Variants in KIAA1671 observed in about 807,000 individuals in gnomAD.
The protein encoded by KIAA1671 is uncharacterized protein KIAA1671.
A neutral mutation model predicts 131.2 loss-of-function variants in KIAA1671; 52 were observed. The ratio of observed to expected loss-of-function variants is 0.40; its 90% CI spans 0.32 to 0.50. The LOEUF (loss-of-function observed/expected upper bound fraction) is 0.50. Among genes scored for constraint, KIAA1671 ranks in the 20% least tolerant of loss-of-function variants. KIAA1671 has a pLI of 0.73. For missense variants in KIAA1671, 2,360 were observed against 2,364.2 expected, an observed-to-expected ratio of 1.00 and a Z score of 0.04; for synonymous variants, 1,003 against 961.6, an observed-to-expected ratio of 1.04 and a Z score of -0.80.
At chr22:25,183,740 T>C (rs12627825) in intron 10 of KIAA1671, among the ~76,000 whole-genome samples, 38,487 of 151,602 alleles carry the variant, frequency 0.25, 6,174 homozygotes, top group East Asian at 0.49. Context: ...GTAAGGATGG[T>C]CTCAATCTCC....
chr22:25,043,343 C>A (rs1171619044), intron 5 of KIAA1671, among the ~76,000 whole-genome samples: 3 of 152,156 alleles, frequency 2.0e-5, no homozygotes, highest in Admixed American at 6.5e-5. Context: ...AGAGTGCTGA[C>A]ACTACCTACT....
intron 1 of KIAA1671, among the ~76,000 whole-genome samples, chr22:24,985,660 G>C (rs894642957): frequency 1.3e-5 from 2 of 151,940 alleles, no homozygotes; most frequent in Admixed American, 6.6e-5. Context: ...TGTTTCTTTA[G>C]TTCCCTCTTT....
chr22:24,994,752 GTA>G (rs1167564457), intron 1 of KIAA1671, among the ~76,000 whole-genome samples: 9 of 152,140 alleles, frequency 5.9e-5, no homozygotes, highest in Non-Finnish European at 1.0e-4. Context: ...CTTTAGGCAT[GTA>G]AGGATCTCTG....
intron 5 of KIAA1671, 44 bp from the exon 6 acceptor site, chr22:25,049,186 A>G (rs1927400246): frequency 6.5e-7 from 1 of 1,530,166 alleles, no homozygotes; most frequent in African/African-American, 1.4e-5. Context: ...CCTGTAAATG[A>G]GAAGGCTCCC....
chr22:25,030,882 G>A (rs1602081837), intron 3 of KIAA1671, among the ~76,000 whole-genome samples: 1 of 152,210 alleles, frequency 6.6e-6, no homozygotes, highest in Non-Finnish European at 1.5e-5. Flanking sequence ...CCGGCCCTGG[G>A]AACCAGGACA....
At chr22:25,030,990 C>T (rs1035115902) in intron 3 of KIAA1671, among the ~76,000 whole-genome samples, 3 of 152,164 alleles carry the variant, frequency 2.0e-5, no homozygotes, top group Non-Finnish European at 2.9e-5. Flanking sequence ...TTCCGATTCA[C>T]TTGGTCTGGG....
chr22:25,118,345 G>T (rs1931779402), intron 6 of KIAA1671, among the ~76,000 whole-genome samples: 2 of 151,884 alleles, frequency 1.3e-5, no homozygotes, highest in African/African-American at 4.8e-5. Flanking sequence ...AAGGACACTT[G>T]TCCCTGAACA....
At chr22:25,099,537 GTTTTTTTGTT>G (rs1333780972) in intron 6 of KIAA1671, among the ~76,000 whole-genome samples, 2 of 112,112 alleles carry the variant, frequency 1.8e-5, no homozygotes, top group East Asian at 3.1e-4. Context: ...CAAAATGTGG[GTTTTTTTGTT>G]TTTTTTTTTT....
intron 1 of KIAA1671, among the ~76,000 whole-genome samples, chr22:24,995,031 CTGTT>C (rs1235492750): frequency 1.3e-5 from 2 of 149,644 alleles, no homozygotes; most frequent in South Asian, 2.2e-4. Context: ...CATCCCGTCT[CTGTT>C]TGTATGTTAG....
chr22:25,143,842 TA>T (rs1388664606), intron 6 of KIAA1671, among the ~76,000 whole-genome samples: 1 of 152,112 alleles, frequency 6.6e-6, no homozygotes, highest in Non-Finnish European at 1.5e-5. Context: ...GCAAGTGAAT[TA>T]ACCTCTCTGA....
At chr22:25,014,222 T>C (rs1602067416) in intron 1 of KIAA1671, 1 of 152,196 alleles carries the variant, frequency 6.6e-6, no homozygotes, top group Non-Finnish European at 1.5e-5. Flanking sequence ...TAGAAACTGC[T>C]GTATAGGGTG....
intron 9 of KIAA1671, among the ~76,000 whole-genome samples, chr22:25,179,102 C>A (rs1158130524): frequency 6.6e-6 from 1 of 152,220 alleles, no homozygotes; most frequent in Admixed American, 6.5e-5. Flanking sequence ...GACCGCGTCT[C>A]ACGCCCGGCG....
Position 25,126,535 on chromosome 22 carries a change from G to T in KIAA1671, c.4531-44285G>T, listed in dbSNP as rs541767267. ...ATAAATGTTTTTAAATGAGCCCTAG[G>T]TGCCCATGTAAACAGGTAGCTGAGG... On this transcript the variant is annotated intron_variant, in intron 6 of 12. Transcript: ENST00000358431. Among the ~76,000 whole-genome samples, 179 of 152,338 alleles carry T rather than the reference G, an allele frequency of 1.2e-3. 3 individuals carry two copies. The South Asian group carries it at 0.031, about 26-fold the overall frequency.
chr22:24,975,718 C>T (rs1922876018), intron 1 of KIAA1671, among the ~76,000 whole-genome samples: 1 of 152,162 alleles, frequency 6.6e-6, no homozygotes, highest in Non-Finnish European at 1.5e-5. Flanking sequence ...TCCCATCAGA[C>T]AGGCAGTATT....
chr22:25,190,774 A>G lies in KIAA1671; in HGVS notation c.5415A>G (p.Gln1805=). ...SKKRQSLYEN[Q]V The stretch of plus-strand genomic sequence containing the variant: ...AGAGGCAAAGTCTTTATGAGAACCA[A>G]GTTTGACCAGGTATGAAGGGGCTCT... Residue 1805 remains glutamine, a synonymous_variant, in exon 12 of 13, where the codon CAA becomes CAG. Coordinates refer to ENST00000358431, the MANE Select transcript of KIAA1671 (RefSeq NM_001145206.2). 2 of 1,550,846 alleles carry G rather than the reference A, an allele frequency of 1.3e-6. No homozygotes were observed. The highest frequency in any genetic ancestry group is 1.7e-6 in the Non-Finnish European group (2 of 1,146,064).
At position 25,185,577 on chromosome 22, in the gene KIAA1671, C is replaced by T. The variant is rs7290921; in HGVS notation, c.5342+458C>T. ...CACTCCCTTCGTGGAACAGCTATCC[C>T]GATCCTGGGCTGTTCTGTGTAGAGA... is the stretch of plus-strand genomic sequence containing the variant. On this transcript the variant is annotated intron_variant, in intron 11 of 12. Transcript: ENST00000358431. 162 of 161,638 alleles carry T rather than the reference C, an allele frequency of 1.0e-3. 1 individual carries two copies. The highest frequency in any genetic ancestry group is 3.6e-3 in the African/African-American group (148 of 41,628). The allele number at this position is 161,638 out of a possible 1,614,324, so 10.0% of individuals were successfully genotyped here.
intron 1 of KIAA1671, among the ~76,000 whole-genome samples, chr22:24,981,149 G>T (rs1424554709): frequency 1.3e-5 from 2 of 151,994 alleles, no homozygotes; most frequent in African/African-American, 4.8e-5. Flanking sequence ...TGGGGGATTT[G>T]TAGGCTCTGT....
chr22:25,194,844 T>C lies in KIAA1671; in HGVS notation c.*2443T>C, dbSNP rs1050773101. 1 of 152,216 alleles carries C rather than the reference T, an allele frequency of 6.6e-6. No individual in the cohort carries two copies. Among genetic ancestry groups the C allele is most frequent in the Non-Finnish European group, 1.5e-5 (1 of 68,048 alleles). The allele number at this position is 152,216 out of a possible 1,614,324, so 9.4% of individuals were successfully genotyped here. On this transcript the variant is annotated 3_prime_UTR_variant, in exon 13 of 13. Coordinates refer to ENST00000358431, the MANE Select transcript of KIAA1671 (RefSeq NM_001145206.2). Reference sequence around the variant, plus strand: ...TGCCATGACCTCTGAGACCTGCTTATGATCAGTGCAATGAAGTTAGAAGTA... The same window carrying C: ...TGCCATGACCTCTGAGACCTGCTTACGATCAGTGCAATGAAGTTAGAAGTA...
chr22:25,048,463 G>C (rs1927361822), intron 5 of KIAA1671, among the ~76,000 whole-genome samples: 1 of 152,188 alleles, frequency 6.6e-6, no homozygotes, highest in African/African-American at 2.4e-5. Context: ...AAGGCATCCA[G>C]AAAAGAGGCT....
Sources: gnomAD v4.1 joint callset for allele counts (sites outside exome capture counted in the v4.1 genomes callset) on GRCh38, gnomAD v4.1.1 for gene constraint, MANE v1.5 for transcripts, NCBI Gene and HGNC (gene_info 2026-07-23, HGNC 2026-07-21) for gene names.